SHC3: variants seen among roughly 807,000 people sequenced by gnomAD.
The protein encoded by SHC3 is SHC adaptor protein 3, also known as SHC-transforming protein 3.
In SHC3, 15 loss-of-function variants were observed where a neutral mutation model predicts 60.4. The observed-to-expected ratio is 0.25, with a 90% CI of 0.17 to 0.38. The LOEUF (loss-of-function observed/expected upper bound fraction) is 0.38. SHC3 is among the 10% of genes least tolerant of loss of function. SHC3 has a pLI of 1.00. For synonymous variants in SHC3, 294 were observed against 325.9 expected, an observed-to-expected ratio of 0.90 and a Z score of 1.05; for missense variants, 677 against 786.1, an observed-to-expected ratio of 0.86 and a Z score of 1.66.
At chr9:89,094,423 G>A (rs1340974100) in intron 2 of SHC3, among the ~76,000 whole-genome samples, 2 of 152,170 alleles carry the variant, frequency 1.3e-5, no homozygotes, top group Non-Finnish European at 2.9e-5. Context: ...GTGGAAGGAA[G>A]GCAGGGGCCC....
At chr9:89,049,077 C>A (rs1824820396) in intron 7 of SHC3, among the ~76,000 whole-genome samples, 1 of 152,046 alleles carries the variant, frequency 6.6e-6, no homozygotes. Context: ...CTGGCTAACA[C>A]GGTGAAATCC....
chr9:89,025,660 A>G (rs1298682208), intron 11 of SHC3, among the ~76,000 whole-genome samples: 1 of 152,356 alleles, frequency 6.6e-6, no homozygotes, highest in East Asian at 1.9e-4. Context: ...ACTGACCAGC[A>G]GTAACATTTA....
At chr9:89,017,928 T>C (rs1786108540) in intron 11 of SHC3, among the ~76,000 whole-genome samples, 1 of 152,044 alleles carries the variant, frequency 6.6e-6, no homozygotes, top group African/African-American at 2.4e-5. Flanking sequence ...GAAATGCAAA[T>C]CAAAACCACG....
At chr9:89,035,257 A>T (rs1396717806) in intron 11 of SHC3, among the ~76,000 whole-genome samples, 1 of 152,194 alleles carries the variant, frequency 6.6e-6, no homozygotes, top group Non-Finnish European at 1.5e-5. Flanking sequence ...GATCTCCCCA[A>T]CAAAAATGTC....
chr9:89,085,075 G>A (rs191828375), intron 2 of SHC3, among the ~76,000 whole-genome samples: 136 of 152,308 alleles, frequency 8.9e-4, no homozygotes, highest in African/African-American at 1.3e-3. Flanking sequence ...TTCCTTAGTC[G>A]TAAAGCATGA....
At chr9:89,110,911 T>C (rs917053047) in intron 2 of SHC3, among the ~76,000 whole-genome samples, 1 of 152,196 alleles carries the variant, frequency 6.6e-6, no homozygotes, top group Non-Finnish European at 1.5e-5. Flanking sequence ...ATTACTTCTG[T>C]CCATTTGGGT....
intron 2 of SHC3, among the ~76,000 whole-genome samples, chr9:89,104,982 G>A (rs1348030976): frequency 6.6e-6 from 1 of 152,216 alleles, no homozygotes; most frequent in Non-Finnish European, 1.5e-5. Context: ...GGTGAATGCA[G>A]GCAGTGCAGT....
intron 6 of SHC3, among the ~76,000 whole-genome samples, chr9:89,058,608 G>A (rs972229255): frequency 8.7e-5 from 13 of 149,208 alleles, no homozygotes; most frequent in Admixed American, 1.3e-4. Context: ...GTGTTAGGAC[G>A]TGGTGGAGGA....
chr9:89,172,552 GACACACACAGACAC>G (rs67123305), intron 1 of SHC3, among the ~76,000 whole-genome samples: 15,058 of 149,416 alleles, frequency 0.1, 858 homozygotes, highest in Admixed American at 0.15. Context: ...CGAAGACACA[GACACACACAGACAC>G]ACACACACAG....
chr9:89,051,835 C>T (rs1446232563), intron 7 of SHC3, among the ~76,000 whole-genome samples: 1 of 152,226 alleles, frequency 6.6e-6, no homozygotes, highest in Non-Finnish European at 1.5e-5. Flanking sequence ...TGTTTTTCTA[C>T]ACATTCAAAG....
At position 89,087,888 on chromosome 9, in the gene SHC3, T is replaced by C. The variant is rs114120561; in HGVS notation, c.546-9985A>G. On this transcript the variant is annotated intron_variant, in intron 2 of 11. Transcript: ENST00000375835. ...TAAGATTGATAGATCAGACTCTTTGTAGCAATAAGATACCAACATGACAGA... is the reference window on the plus strand; with the variant it reads ...TAAGATTGATAGATCAGACTCTTTGCAGCAATAAGATACCAACATGACAGA... Among the ~76,000 whole-genome samples the C allele has an allele frequency of 4.0e-3, 614 of 152,310 alleles. 6 individuals are homozygous for C. Among genetic ancestry groups the C allele is most frequent in the African/African-American group, 0.014 (595 of 41,570 alleles).
intron 1 of SHC3, among the ~76,000 whole-genome samples, chr9:89,139,606 C>A (rs1826364239): frequency 6.6e-6 from 1 of 152,172 alleles, no homozygotes; most frequent in South Asian, 2.1e-4. Flanking sequence ...GGCTCCTGGG[C>A]CTAAGATAAG....
At chr9:89,134,570 T>C (rs1826293950) in intron 1 of SHC3, among the ~76,000 whole-genome samples, 2 of 152,102 alleles carry the variant, frequency 1.3e-5, no homozygotes, top group Admixed American at 1.3e-4. Flanking sequence ...TATGTTAAAT[T>C]ATTGTGTGCC....
At chr9:89,154,089 G>T (rs1826586756) in intron 1 of SHC3, among the ~76,000 whole-genome samples, 1 of 152,128 alleles carries the variant, frequency 6.6e-6, no homozygotes, top group South Asian at 2.1e-4. Context: ...CCTTGGCCAT[G>T]GGCTATATGT....
rs41509545 is a variant in SHC3 at position 89,053,472 on chromosome 9, G to C, written c.836-1309C>G. Reference sequence around the variant, plus strand: ...AGTGTGGAGCCTCTCAGCATAATACGGCACTGGGACTTTACCCCGGAGGCA... The same window carrying C: ...AGTGTGGAGCCTCTCAGCATAATACCGCACTGGGACTTTACCCCGGAGGCA... On this transcript the variant is annotated intron_variant, in intron 6 of 11. Transcript: ENST00000375835. 2.0e-5 allele frequency among the ~76,000 whole-genome samples: 3 copies of C among 152,260 alleles called. No individual in the cohort carries two copies. The East Asian group carries it at 5.8e-4, about 29-fold the overall frequency.
At chr9:89,019,468 C>G (rs555972863) in intron 11 of SHC3, among the ~76,000 whole-genome samples, 1 of 152,080 alleles carries the variant, frequency 6.6e-6, no homozygotes, top group Non-Finnish European at 1.5e-5. Context: ...AAAAATGAAA[C>G]TGCCTTTGTT....
At chr9:89,044,032 C>T (rs938858016) in intron 9 of SHC3, among the ~76,000 whole-genome samples, 4 of 152,072 alleles carry the variant, frequency 2.6e-5, no homozygotes, top group Non-Finnish European at 4.4e-5. Context: ...GTTCATTCTG[C>T]GACATCATCT....
At chr9:89,145,445 C>G (rs576848506) in intron 1 of SHC3, among the ~76,000 whole-genome samples, 1 of 152,344 alleles carries the variant, frequency 6.6e-6, no homozygotes, top group East Asian at 1.9e-4. Flanking sequence ...CAAAAACATA[C>G]TACTGCTACA....
chr9:89,146,154 A>G (rs2118202944), intron 1 of SHC3, among the ~76,000 whole-genome samples: 1 of 151,974 alleles, frequency 6.6e-6, no homozygotes. Flanking sequence ...TCAGGAGTTC[A>G]AGACCAGCCT....
Sources: gnomAD v4.1 joint callset for allele counts (sites outside exome capture counted in the v4.1 genomes callset) on GRCh38, gnomAD v4.1.1 for gene constraint, MANE v1.5 for transcripts, NCBI Gene and HGNC (gene_info 2026-07-23, HGNC 2026-07-21) for gene names.